The following TRAM2 variants were observed in gnomAD, a reference collection of about 807,000 sequenced individuals.
The protein encoded by TRAM2 is translocation associated membrane protein 2, also known as translocating chain-associated membrane protein 2.
In TRAM2, 12 loss-of-function variants were observed where a neutral mutation model predicts 51.0. That is an observed-to-expected ratio of 0.24 (90% CI 0.15 to 0.38). The LOEUF is 0.38. Ranked by LOEUF, TRAM2 falls within the 10% of genes least tolerant of loss-of-function variation. The pLI, the probability that TRAM2 is intolerant of heterozygous loss-of-function variation, is 1.00. For synonymous variants in TRAM2, 175 were observed against 179.4 expected (o/e 0.98, Z 0.20); for missense variants, 361 against 462.0 (o/e 0.78, Z 2.00).
At chr6:52,527,420 T>C (rs1441724495) in intron 2 of TRAM2, among the ~76,000 whole-genome samples, 1 of 148,346 alleles carries the variant, frequency 6.7e-6, no homozygotes, top group Non-Finnish European at 1.5e-5. Flanking sequence ...AAAATTATCC[T>C]ACCTAGGTAG....
chr6:52,506,908 C>G (rs1040702066), intron 7 of TRAM2, among the ~76,000 whole-genome samples: 1 of 152,212 alleles, frequency 6.6e-6, no homozygotes, highest in Non-Finnish European at 1.5e-5. Context: ...CAGAAAGTTA[C>G]ACACAGTGAG....
At position 52,497,612 on chromosome 6, in the gene TRAM2, T is replaced by C; in HGVS notation, c.*5585A>G. On this transcript the variant is annotated 3_prime_UTR_variant, in exon 11 of 11. Coordinates refer to ENST00000182527, the MANE Select transcript of TRAM2 (RefSeq NM_012288.4). ...TACATGAAAGCATAAATACGGCAGG[T>C]ACAAATTTTCCTTGAGTTCCTTGTT... 6.7e-6 allele frequency: 1 copy of C among 149,446 alleles called. No homozygotes were observed. 9.3% of individuals were successfully genotyped at this position (149,446 alleles called of 1,614,324 possible).
In TRAM2 at chr6:52,509,626, C is replaced by T. The variant is rs758076017; in HGVS notation, c.412-40G>A. The T allele has an allele frequency of 2.7e-5, 44 of 1,604,526 alleles. No individual in the cohort carries two copies. The Middle Eastern group carries it at 6.6e-4, about 24-fold the overall frequency. Reference sequence around the variant, plus strand: ...AAGAGAGACCATTTAGAGATGTGGACGTGAGACCTGCTGGGGCCCTGGGAC... The same window carrying T: ...AAGAGAGACCATTTAGAGATGTGGATGTGAGACCTGCTGGGGCCCTGGGAC... On this transcript the variant is annotated intron_variant, in intron 4 of 10. Coordinates refer to ENST00000182527, the MANE Select transcript of TRAM2 (RefSeq NM_012288.4).
At chr6:52,571,518 A>T (rs1054644929) in intron 1 of TRAM2, among the ~76,000 whole-genome samples, 1 of 152,214 alleles carries the variant, frequency 6.6e-6, no homozygotes. Flanking sequence ...TTTAACTTGC[A>T]GGGCAGTCTC....
chr6:52,570,043 T>C (rs1302446797), intron 1 of TRAM2, among the ~76,000 whole-genome samples: 1 of 152,286 alleles, frequency 6.6e-6, no homozygotes, highest in East Asian at 1.9e-4. Flanking sequence ...TCTTATTTTG[T>C]TTTTCTGTAA....
intron 1 of TRAM2, among the ~76,000 whole-genome samples, chr6:52,574,141 C>T (rs868789022): frequency 2.4e-4 from 36 of 152,148 alleles, no homozygotes; most frequent in African/African-American, 8.7e-4. Flanking sequence ...CCCTACATAC[C>T]CACACATGCA....
rs41304902 is a variant in TRAM2 at position 52,501,459 on chromosome 6, T to C, written c.*1738A>G. 7 of 152,236 alleles carry C rather than the reference T, an allele frequency of 4.6e-5. No homozygotes were observed. Among genetic ancestry groups the C allele is most frequent in the Non-Finnish European group, 1.0e-4 (7 of 68,040 alleles). The allele number at this position is 152,236 out of a possible 1,614,324, so 9.4% of individuals were successfully genotyped here. On this transcript the variant is annotated 3_prime_UTR_variant, in exon 11 of 11. Coordinates refer to ENST00000182527, the MANE Select transcript of TRAM2 (RefSeq NM_012288.4). ...GGTTTCTACTGTGATGTCAGAAAGA[T>C]GACCAGTATTCCAAATGACACTACT...
chr6:52,503,201 G>T lies in TRAM2; in HGVS notation c.1109C>A (p.Pro370His). ...TSPRTKKLKSP is the reference protein window; with the variant it reads ...TSPRTKKLKSH ...CCTGTTCTTAGCACTTTGGCCTTAGGGAGACTTGAGTTTCTTAGTCCGTGG... is the reference window on the plus strand; with the variant it reads ...CCTGTTCTTAGCACTTTGGCCTTAGTGAGACTTGAGTTTCTTAGTCCGTGG... Residue 370 changes from proline (P) to histidine (H), a missense_variant, in exon 11 of 11, where the codon CCC becomes CAC. By Grantham distance (77) the Pro-to-His change is moderately conservative. Transcript: ENST00000182527. 1 of 1,613,842 alleles carries T rather than the reference G, an allele frequency of 6.2e-7. No homozygotes were observed. Among genetic ancestry groups the T allele is most frequent in the Non-Finnish European group, 8.5e-7 (1 of 1,179,872 alleles).
chr6:52,508,796 G>A (rs1562475556), intron 5 of TRAM2, among the ~76,000 whole-genome samples: 1 of 152,202 alleles, frequency 6.6e-6, no homozygotes, highest in East Asian at 1.9e-4. Flanking sequence ...CACTTTGGGA[G>A]GCTGAGGCAG....
chr6:52,557,036 A>G (rs958761024), intron 1 of TRAM2, among the ~76,000 whole-genome samples: 1 of 152,178 alleles, frequency 6.6e-6, no homozygotes, highest in African/African-American at 2.4e-5. Flanking sequence ...TCTACTAAAA[A>G]TACAAAAGTT....
intron 1 of TRAM2, among the ~76,000 whole-genome samples, chr6:52,542,790 A>G (rs1767127426): frequency 6.6e-6 from 1 of 152,240 alleles, no homozygotes; most frequent in African/African-American, 2.4e-5. Context: ...TGTTACAGTC[A>G]TTGATTTAAA....
intron 4 of TRAM2, among the ~76,000 whole-genome samples, chr6:52,511,293 C>T (rs544320845): frequency 5.3e-4 from 80 of 152,236 alleles, no homozygotes; most frequent in Non-Finnish European, 9.3e-4. Context: ...TTAGCAGAGA[C>T]GGGGTTTCAC....
chr6:52,555,399 T>C (rs944256349), intron 1 of TRAM2, among the ~76,000 whole-genome samples: 9 of 152,138 alleles, frequency 5.9e-5, no homozygotes, highest in African/African-American at 2.2e-4. Context: ...CAAAATAATA[T>C]GCATTTCATT....
At chr6:52,561,631 G>A (rs1767503384) in intron 1 of TRAM2, among the ~76,000 whole-genome samples, 2 of 151,784 alleles carry the variant, frequency 1.3e-5, no homozygotes, top group Non-Finnish European at 2.9e-5. Flanking sequence ...GACTACAGGC[G>A]CCCACCACCA....
rs1436251368 is a variant in TRAM2, at chr6:52,566,012, T to TGA, written c.120+10783_120+10784insTC. The stretch of plus-strand genomic sequence containing the variant: ...CAAAACAAAAGATAGAGGGAAAAGA[T>TGA]GTTCTAACTGACTGGGTCCCTACCT... On this transcript the variant is annotated intron_variant, in intron 1 of 10. Transcript: ENST00000182527. 2.0e-5 allele frequency among the ~76,000 whole-genome samples: 3 copies of TGA among 152,332 alleles called. No individual in the cohort carries two copies. The East Asian group carries it at 5.8e-4, about 29-fold the overall frequency.
Position 52,567,599 on chromosome 6 carries a change from T to C in TRAM2, c.120+9197A>G, listed in dbSNP as rs143922731. ...CCAACTTTGCTTTTTACTTCAGCGC[T>C]ATAAAACTGTAGCTTTCCAGAAATT... On this transcript the variant is annotated intron_variant, in intron 1 of 10. Coordinates refer to ENST00000182527, the MANE Select transcript of TRAM2 (RefSeq NM_012288.4). Among the ~76,000 whole-genome samples the C allele has an allele frequency of 4.0e-3, 608 of 152,388 alleles. 6 individuals are homozygous for C. Among genetic ancestry groups the C allele is most frequent in the African/African-American group, 0.014 (588 of 41,604 alleles).
intron 2 of TRAM2, among the ~76,000 whole-genome samples, chr6:52,517,851 C>G (rs1461479419): frequency 6.6e-6 from 1 of 152,186 alleles, no homozygotes; most frequent in Admixed American, 6.5e-5. Flanking sequence ...GGAGTCCACC[C>G]TAATCTCAGC....
Position 52,542,459 on chromosome 6 carries a change from T to C in TRAM2, c.121-6613A>G, listed in dbSNP as rs544378052. On this transcript the variant is annotated intron_variant, in intron 1 of 10. Transcript: ENST00000182527. ...TTTTCACTTGTGCTTTCTGAAAATC[T>C]CCGTTTTGAAGGGCCAGAGGCTGTC... is the stretch of plus-strand genomic sequence containing the variant. Among the ~76,000 whole-genome samples, 47 of 152,170 alleles carry C rather than the reference T, an allele frequency of 3.1e-4. No individual in the cohort carries two copies. The South Asian group carries it at 9.8e-3, about 32-fold the overall frequency.
At chr6:52,511,571 T>G (rs891254385) in intron 4 of TRAM2, among the ~76,000 whole-genome samples, 2 of 152,210 alleles carry the variant, frequency 1.3e-5, no homozygotes. Context: ...GGTTTTACAG[T>G]GCTCAGAATG....
Sources: gnomAD v4.1 joint callset for allele counts (sites outside exome capture counted in the v4.1 genomes callset) on GRCh38, gnomAD v4.1.1 for gene constraint, MANE v1.5 for transcripts, NCBI Gene and HGNC (gene_info 2026-07-23, HGNC 2026-07-21) for gene names.